The following STYK1 variants were observed in gnomAD, a reference collection of about 807,000 sequenced individuals.
STYK1 encodes the protein tyrosine-protein kinase STYK1.
In STYK1, 46 loss-of-function variants were observed where a neutral mutation model predicts 48.1. The ratio of observed to expected loss-of-function variants is 0.96; its 90% CI spans 0.75 to 1.22. The LOEUF (loss-of-function observed/expected upper bound fraction) is 1.22, where lower values mean the gene tolerates loss of function less well. Ranked by LOEUF, STYK1 falls within the 50% of genes most tolerant of loss-of-function variation. The pLI is 0.00. For missense variants in STYK1, 527 were observed against 521.1 expected, an observed-to-expected ratio of 1.01 and a Z score of -0.11; for synonymous variants, 188 against 189.0, an observed-to-expected ratio of 0.99 and a Z score of 0.04.
intron 1 of STYK1, among the ~76,000 whole-genome samples, chr12:10,647,599 G>A (rs1043492641): frequency 6.6e-6 from 1 of 152,100 alleles, no homozygotes; most frequent in Non-Finnish European, 1.5e-5. Flanking sequence ...AGATTTTGGG[G>A]GACGGTTGGG....
chr12:10,626,202 A>G (rs1192897117), intron 7 of STYK1, among the ~76,000 whole-genome samples: 1 of 152,210 alleles, frequency 6.6e-6, no homozygotes, highest in African/African-American at 2.4e-5. Flanking sequence ...AGCTTGTTAA[A>G]AGTAAGAAAA....
intron 1 of STYK1, among the ~76,000 whole-genome samples, chr12:10,641,420 C>T (rs1947543568): frequency 6.6e-6 from 1 of 152,164 alleles, no homozygotes; most frequent in Non-Finnish European, 1.5e-5. Flanking sequence ...GAAGTCTCCC[C>T]CCATAAGTGA....
intron 1 of STYK1, among the ~76,000 whole-genome samples, chr12:10,643,331 C>G (rs1005502643): frequency 6.6e-6 from 1 of 152,196 alleles, no homozygotes; most frequent in Non-Finnish European, 1.5e-5. Context: ...TGACCATCAT[C>G]CTGCTCCACT....
intron 1 of STYK1, among the ~76,000 whole-genome samples, chr12:10,662,838 G>A (rs1413795853): frequency 6.6e-6 from 1 of 152,096 alleles, no homozygotes; most frequent in East Asian, 1.9e-4. Context: ...GTCCTTTGAA[G>A]CATAATAGTT....
chr12:10,669,885 C>A (rs1947874077), intron 1 of STYK1, among the ~76,000 whole-genome samples: 1 of 152,168 alleles, frequency 6.6e-6, no homozygotes, highest in Admixed American at 6.5e-5. Context: ...AAATATTCAA[C>A]ATCACTGATC....
Position 10,641,421 on chromosome 12 carries a change from C to A in STYK1, c.-194-4225G>T, listed in dbSNP as rs138270643. Among the ~76,000 whole-genome samples the A allele has an allele frequency of 2.3e-3, 352 of 152,292 alleles. 1 individual carries two copies. Among genetic ancestry groups the A allele is most frequent in the African/African-American group, 8.2e-3 (340 of 41,556 alleles). On this transcript the variant is annotated intron_variant, in intron 1 of 10. Coordinates refer to ENST00000075503, the MANE Select transcript of STYK1 (RefSeq NM_018423.3). Reference sequence around the variant, plus strand: ...CTAAAACTCTCTTGGAAGTCTCCCCCCATAAGTGAGGAGATCTGTTTTGTT... The same window carrying A: ...CTAAAACTCTCTTGGAAGTCTCCCCACATAAGTGAGGAGATCTGTTTTGTT...
chr12:10,629,822 T>C (rs1481038758), intron 5 of STYK1, 148 bp from the exon 6 acceptor site: 3 of 713,130 alleles, frequency 4.2e-6, no homozygotes, highest in Non-Finnish European at 7.0e-6. Flanking sequence ...GGGGACTAAT[T>C]AGATGAAGAT....
chr12:10,668,818 C>A (rs992239195), intron 1 of STYK1, among the ~76,000 whole-genome samples: 2 of 152,022 alleles, frequency 1.3e-5, no homozygotes, highest in Non-Finnish European at 1.5e-5. Context: ...AACCAGTTTG[C>A]CTATTATTAT....
At chr12:10,645,464 T>TA (rs140099221) in intron 1 of STYK1, among the ~76,000 whole-genome samples, 9,488 of 151,844 alleles carry the variant, frequency 0.062, 990 homozygotes, top group African/African-American at 0.22. Context: ...TCTCTCATTC[T>TA]AAAAAAAACA....
rs7968110 is a variant in STYK1, at chr12:10,649,987, C to A, written c.-194-12791G>T. Among the ~76,000 whole-genome samples the A allele has an allele frequency of 2.7e-3, 407 of 151,708 alleles. 2 individuals carry two copies. The highest frequency in any genetic ancestry group is 9.6e-3 in the African/African-American group (395 of 41,332). On this transcript the variant is annotated intron_variant, in intron 1 of 10. Transcript: ENST00000075503. ...AAATTAGCCAGGCGTGGTGGCGGGC[C>A]CCTGTAGTCCCAGCTACTCGGGAGG...
chr12:10,630,850 A>G (rs1947418706), intron 5 of STYK1, among the ~76,000 whole-genome samples, 195 bp downstream of exon 5: 1 of 152,054 alleles, frequency 6.6e-6, no homozygotes, highest in African/African-American at 2.4e-5. Flanking sequence ...TTGGGTAAGG[A>G]TTCACAAATA....
At chr12:10,629,825 A>G in intron 5 of STYK1, 151 bp from the exon 6 acceptor site, 1 of 694,240 alleles carries the variant, frequency 1.4e-6, no homozygotes, top group South Asian at 1.9e-5. Context: ...GACTAATTAG[A>G]TGAAGATGAT....
intron 6 of STYK1, 52 bp downstream of exon 6, chr12:10,629,436 AAAGCT>A: frequency 1.9e-6 from 3 of 1,571,248 alleles, no homozygotes; most frequent in Non-Finnish European, 2.6e-6. Context: ...TGACATGTAA[AAAGCT>A]AGTCAACAAG....
chr12:10,660,110 T>C lies in STYK1; in HGVS notation c.-195+13856A>G, dbSNP rs145251221. ...CATCTTGGTTCTAACAGTTGCCCAC[T>C]TCACAAAAAGCCTTGTTAGTTTACT... is the stretch of plus-strand genomic sequence containing the variant. On this transcript the variant is annotated intron_variant, in intron 1 of 10. Coordinates refer to ENST00000075503, the MANE Select transcript of STYK1 (RefSeq NM_018423.3). 1.1e-3 allele frequency among the ~76,000 whole-genome samples: 160 copies of C among 152,324 alleles called. 1 individual carries two copies. The highest frequency in any genetic ancestry group is 3.7e-3 in the African/African-American group (155 of 41,584).
chr12:10,666,036 G>A (rs1369211266), intron 1 of STYK1, among the ~76,000 whole-genome samples: 2 of 152,204 alleles, frequency 1.3e-5, no homozygotes, highest in African/African-American at 4.8e-5. Flanking sequence ...AGCCAAACCT[G>A]TTAATTCTAC....
chr12:10,654,073 T>G (rs1161602768), intron 1 of STYK1, among the ~76,000 whole-genome samples: 2 of 152,180 alleles, frequency 1.3e-5, no homozygotes, highest in Non-Finnish European at 2.9e-5. Flanking sequence ...CTGGTCATCC[T>G]CACTGCTCAT....
At chr12:10,657,462 T>C (rs1989218) in intron 1 of STYK1, among the ~76,000 whole-genome samples, 60,251 of 152,118 alleles carry the variant, frequency 0.4, 12,155 homozygotes, top group Middle Eastern at 0.45. Flanking sequence ...TAATGCTTTT[T>C]AGTTCATGTG....
At chr12:10,648,724 G>T (rs1415261263) in intron 1 of STYK1, among the ~76,000 whole-genome samples, 1 of 151,762 alleles carries the variant, frequency 6.6e-6, no homozygotes, top group African/African-American at 2.4e-5. Flanking sequence ...TGATCTCCCG[G>T]GTGGCTAATT....
intron 1 of STYK1, among the ~76,000 whole-genome samples, chr12:10,650,775 C>A (rs1245332026): frequency 6.6e-6 from 1 of 151,810 alleles, no homozygotes; most frequent in Non-Finnish European, 1.5e-5. Flanking sequence ...CGGAGGCAGG[C>A]GGATGACCTG....
Sources: gnomAD v4.1 joint callset for allele counts (sites outside exome capture counted in the v4.1 genomes callset) on GRCh38, gnomAD v4.1.1 for gene constraint, MANE v1.5 for transcripts, NCBI Gene and HGNC (gene_info 2026-07-23, HGNC 2026-07-21) for gene names.